The following PPARGC1A variants were observed in gnomAD, a reference collection of about 807,000 sequenced individuals.
PPARGC1A encodes peroxisome proliferator-activated receptor gamma coactivator 1-alpha.
Under a neutral mutation model 88.7 loss-of-function variants are expected in PPARGC1A, and 25 were observed. That is an observed-to-expected ratio of 0.28 (90% CI 0.21 to 0.39). The LOEUF is 0.39. PPARGC1A is among the 10% of genes least tolerant of loss of function. The pLI, the probability that PPARGC1A is intolerant of heterozygous loss-of-function variation, is 1.00. For synonymous variants in PPARGC1A, 363 were observed against 355.6 expected, an observed-to-expected ratio of 1.02 and a Z score of -0.24; for missense variants, 880 against 968.7, an observed-to-expected ratio of 0.91 and a Z score of 1.22.
chr4:23,816,992 G>A lies in PPARGC1A; in HGVS notation c.878-2387C>T, dbSNP rs3774914. On this transcript the variant is annotated intron_variant, in intron 7 of 12. Coordinates refer to ENST00000264867, the MANE Select transcript of PPARGC1A (RefSeq NM_013261.5). ...CAGCCCAAGAATCACTTGGGAAACCGGGTAAACATTTTTAATGAGATGCTT... is the reference window on the plus strand; with the variant it reads ...CAGCCCAAGAATCACTTGGGAAACCAGGTAAACATTTTTAATGAGATGCTT... 4.7e-4 allele frequency among the ~76,000 whole-genome samples: 72 copies of A among 152,226 alleles called. No homozygotes were observed. In the East Asian group the frequency reaches 0.011, roughly 24 times the overall value.
At chr4:24,263,454 T>TAC in the PPARGC1A span, among the ~76,000 whole-genome samples, 1 of 35,638 alleles carries the variant, frequency 2.8e-5, no homozygotes, top group Non-Finnish European at 5.1e-5. Context: ...CATGTGGGTG[T>TAC]ATACACACAC....
the PPARGC1A span, among the ~76,000 whole-genome samples, chr4:24,003,173 C>G: frequency 6.6e-6 from 1 of 152,230 alleles, no homozygotes; most frequent in Non-Finnish European, 1.5e-5. Flanking sequence ...GTTACCTACA[C>G]CCACACAGCT....
At chr4:24,008,258 G>A in the PPARGC1A span, among the ~76,000 whole-genome samples, 7 of 152,104 alleles carry the variant, frequency 4.6e-5, no homozygotes, top group Admixed American at 1.3e-4. Flanking sequence ...TGAAGATCTC[G>A]CAACCAACTT....
the PPARGC1A span, among the ~76,000 whole-genome samples, chr4:24,078,841 A>G: frequency 6.6e-6 from 1 of 152,008 alleles, no homozygotes; most frequent in Non-Finnish European, 1.5e-5. Context: ...TGAGCTTTAA[A>G]CTTTTTATAA....
At chr4:24,208,683 ATATAT>A in the PPARGC1A span, among the ~76,000 whole-genome samples, 10 of 126,948 alleles carry the variant, frequency 7.9e-5, no homozygotes, top group East Asian at 1.1e-3. Context: ...CAGAAAAAAA[ATATAT>A]ATATATATAT....
the PPARGC1A span, among the ~76,000 whole-genome samples, chr4:24,223,190 A>G: frequency 2.6e-5 from 4 of 152,012 alleles, no homozygotes; most frequent in Admixed American, 2.6e-4. Context: ...GTAAAAGGAA[A>G]TTATGAAATA....
the PPARGC1A span, among the ~76,000 whole-genome samples, chr4:24,047,959 A>C: frequency 6.6e-6 from 1 of 152,138 alleles, no homozygotes; most frequent in African/African-American, 2.4e-5. Context: ...CTGGTTCAGC[A>C]CCATTGAACT....
the PPARGC1A span, among the ~76,000 whole-genome samples, chr4:23,935,250 G>A: frequency 6.6e-6 from 1 of 152,190 alleles, no homozygotes; most frequent in Non-Finnish European, 1.5e-5. Flanking sequence ...CTTTCTCCCA[G>A]TAAGTTTCCT....
At chr4:23,853,435 CT>C (rs144923637) in intron 2 of PPARGC1A, among the ~76,000 whole-genome samples, 6,273 of 152,116 alleles carry the variant, frequency 0.041, 417 homozygotes, top group African/African-American at 0.14. Context: ...GCTATGTTAC[CT>C]CAGATCAATG....
At chr4:23,992,890 A>G in the PPARGC1A span, among the ~76,000 whole-genome samples, 10 of 151,830 alleles carry the variant, frequency 6.6e-5, no homozygotes, top group Non-Finnish European at 1.3e-4. Flanking sequence ...CTCTATGTTC[A>G]ATTAAACACA....
chr4:23,929,344 C>A, the PPARGC1A span, among the ~76,000 whole-genome samples: 2 of 152,064 alleles, frequency 1.3e-5, no homozygotes, highest in East Asian at 1.9e-4. Context: ...AAAAATAAAA[C>A]CCCTGAGGAT....
At chr4:24,391,902 G>A in the PPARGC1A span, among the ~76,000 whole-genome samples, 59 of 152,192 alleles carry the variant, frequency 3.9e-4, no homozygotes, top group African/African-American at 1.2e-3. Flanking sequence ...AAACAGATAC[G>A]CTGTATATTC....
the PPARGC1A span, among the ~76,000 whole-genome samples, chr4:24,296,083 T>C: frequency 6.6e-6 from 1 of 151,076 alleles, no homozygotes; most frequent in African/African-American, 2.4e-5. Context: ...TATATGTACA[T>C]ATATACACAC....
At chr4:24,110,544 G>T in the PPARGC1A span, among the ~76,000 whole-genome samples, 2 of 152,166 alleles carry the variant, frequency 1.3e-5, no homozygotes, top group South Asian at 2.1e-4. Context: ...GAAGGCCCAG[G>T]TGTTGGTAGC....
At chr4:24,420,761 T>A in the PPARGC1A span, among the ~76,000 whole-genome samples, 1 of 152,084 alleles carries the variant, frequency 6.6e-6, no homozygotes, top group Non-Finnish European at 1.5e-5. Context: ...TGAACCGGGG[T>A]AGCGTTCCCA....
At chr4:23,840,064 G>T (rs965983813) in intron 2 of PPARGC1A, among the ~76,000 whole-genome samples, 1 of 152,012 alleles carries the variant, frequency 6.6e-6, no homozygotes, top group African/African-American at 2.4e-5. Flanking sequence ...CACAGAAGAC[G>T]AAGTGATCCT....
chr4:24,043,232 C>T, the PPARGC1A span, among the ~76,000 whole-genome samples: 1 of 152,156 alleles, frequency 6.6e-6, no homozygotes, highest in Non-Finnish European at 1.5e-5. Context: ...TCCAGCTCAC[C>T]TATGTCCCCT....
At chr4:24,404,506 T>C in the PPARGC1A span, among the ~76,000 whole-genome samples, 11 of 152,102 alleles carry the variant, frequency 7.2e-5, no homozygotes, top group Admixed American at 3.9e-4. Context: ...TAAAAGCTGA[T>C]AAGCGAAGGC....
chr4:23,962,881 C>T, the PPARGC1A span, among the ~76,000 whole-genome samples: 1 of 152,160 alleles, frequency 6.6e-6, no homozygotes, highest in Non-Finnish European at 1.5e-5. Context: ...TCTTAAGCTC[C>T]AGGGACTTGA....
Sources: gnomAD v4.1 joint callset for allele counts (sites outside exome capture counted in the v4.1 genomes callset) on GRCh38, gnomAD v4.1.1 for gene constraint, MANE v1.5 for transcripts, NCBI Gene and HGNC (gene_info 2026-07-23, HGNC 2026-07-21) for gene names.